The following RBMS3 variants were observed in gnomAD, a reference collection of about 807,000 sequenced individuals.
RBMS3 encodes RNA binding motif single stranded interacting protein 3.
Under a neutral mutation model 66.8 loss-of-function variants are expected in RBMS3, and 27 were observed. The ratio of observed to expected loss-of-function variants is 0.40; its 90% CI spans 0.30 to 0.56. The LOEUF is 0.56. RBMS3 is among the 20% of genes least tolerant of loss of function. The pLI is 0.40. For synonymous variants in RBMS3, 188 were observed against 183.0 expected (o/e 1.03, Z -0.22); for missense variants, 513 against 549.5 (o/e 0.93, Z 0.66).
At chr3:29,614,172 A>C (rs555918449) in intron 4 of RBMS3, among the ~76,000 whole-genome samples, 2 of 152,272 alleles carry the variant, frequency 1.3e-5, no homozygotes, top group South Asian at 4.1e-4. Context: ...GTAATTTGCA[A>C]CATGGATGAA....
chr3:29,826,054 C>T (rs2058203299), intron 6 of RBMS3, among the ~76,000 whole-genome samples: 1 of 152,014 alleles, frequency 6.6e-6, no homozygotes, highest in East Asian at 1.9e-4. Flanking sequence ...TGCTCTTTTT[C>T]CATTTTGGTA....
chr3:29,941,657 T>C (rs1577208259), intron 11 of RBMS3, among the ~76,000 whole-genome samples: 1 of 151,584 alleles, frequency 6.6e-6, no homozygotes, highest in East Asian at 1.9e-4. Context: ...TTTTGTTGTT[T>C]AAAAAAATGA....
At chr3:29,676,039 T>C (rs1234008281) in intron 4 of RBMS3, among the ~76,000 whole-genome samples, 2 of 152,200 alleles carry the variant, frequency 1.3e-5, no homozygotes, top group South Asian at 2.1e-4. Context: ...TGTCCATCAC[T>C]GATAGACTGG....
chr3:29,937,404 G>A (rs1193317388), intron 11 of RBMS3, among the ~76,000 whole-genome samples: 1 of 151,984 alleles, frequency 6.6e-6, no homozygotes, highest in Non-Finnish European at 1.5e-5. Flanking sequence ...GCAATGGCTT[G>A]CTTGCCAAAT....
At chr3:29,863,297 A>C (rs1469805121) in intron 6 of RBMS3, among the ~76,000 whole-genome samples, 2 of 151,310 alleles carry the variant, frequency 1.3e-5, no homozygotes, top group Admixed American at 1.3e-4. Context: ...CAGCACACCA[A>C]CATGGCACAT....
At chr3:29,431,427 G>A (rs762761109) in intron 1 of RBMS3, among the ~76,000 whole-genome samples, 10 of 150,832 alleles carry the variant, frequency 6.6e-5, no homozygotes, top group Non-Finnish European at 1.5e-4. Context: ...TGAGTAGCTG[G>A]GATTATAGGC....
chr3:29,804,920 C>CGTGT (rs10576635), intron 6 of RBMS3, among the ~76,000 whole-genome samples: 3,265 of 146,396 alleles, frequency 0.022, 45 homozygotes, highest in African/African-American at 0.03. Flanking sequence ...TCTGCGTGTA[C>CGTGT]GTGTGTGTGT....
At chr3:29,441,919 C>G (rs979347579) in intron 2 of RBMS3, among the ~76,000 whole-genome samples, 1 of 151,996 alleles carries the variant, frequency 6.6e-6, no homozygotes, top group African/African-American at 2.4e-5. Flanking sequence ...TTTCAATTAT[C>G]CAGAAGTATT....
In RBMS3 at chr3:29,950,433, C is replaced by T. The variant is rs138219199; in HGVS notation, c.1098+6179C>T. Among the ~76,000 whole-genome samples the T allele has an allele frequency of 1.8e-3, 277 of 151,878 alleles. 4 individuals carry two copies. The highest frequency in any genetic ancestry group is 3.4e-3 in the Middle Eastern group (1 of 294). ...AATGGACTTTAAAGTAAGCTAATTGCGTGTGCAGGAATCAGCACATCTGGT... is the reference window on the plus strand; with the variant it reads ...AATGGACTTTAAAGTAAGCTAATTGTGTGTGCAGGAATCAGCACATCTGGT... On this transcript the variant is annotated intron_variant, in intron 12 of 14. Coordinates refer to ENST00000383767, the MANE Select transcript of RBMS3 (RefSeq NM_001003793.3).
At chr3:29,750,430 T>A (rs9882206) in intron 5 of RBMS3, among the ~76,000 whole-genome samples, 2 of 151,584 alleles carry the variant, frequency 1.3e-5, no homozygotes, top group Admixed American at 6.6e-5. Context: ...CATAAAACAA[T>A]GTAATATAAT....
intron 1 of RBMS3, among the ~76,000 whole-genome samples, chr3:29,378,431 C>T (rs866850824): frequency 2.6e-4 from 39 of 150,670 alleles, no homozygotes; most frequent in African/African-American, 9.3e-4. Flanking sequence ...GAGATCGCGC[C>T]ACGGCATTGC....
At chr3:29,734,343 A>G (rs570594790) in intron 4 of RBMS3, among the ~76,000 whole-genome samples, 4 of 152,110 alleles carry the variant, frequency 2.6e-5, no homozygotes, top group South Asian at 4.1e-4. Flanking sequence ...GCACTGTAGG[A>G]TGACTATAAT....
At chr3:29,495,254 G>C (rs1284676143) in intron 3 of RBMS3, among the ~76,000 whole-genome samples, 3 of 151,978 alleles carry the variant, frequency 2.0e-5, no homozygotes, top group Non-Finnish European at 4.4e-5. Flanking sequence ...CCATTTAGCA[G>C]TTCTAAACTC....
intron 6 of RBMS3, among the ~76,000 whole-genome samples, chr3:29,787,308 T>G (rs997238445): frequency 1.3e-5 from 2 of 152,192 alleles, no homozygotes; most frequent in African/African-American, 4.8e-5. Flanking sequence ...GATGTACCAT[T>G]TGATTTAGCA....
intron 12 of RBMS3, among the ~76,000 whole-genome samples, chr3:29,969,596 C>G (rs1468439627): frequency 1.3e-4 from 20 of 152,152 alleles, no homozygotes; most frequent in Admixed American, 1.2e-3. Flanking sequence ...TTCCAGGTGT[C>G]TCTGTATGGA....
intron 3 of RBMS3, among the ~76,000 whole-genome samples, chr3:29,538,097 C>T (rs924464854): frequency 1.3e-5 from 2 of 152,150 alleles, no homozygotes; most frequent in Non-Finnish European, 2.9e-5. Flanking sequence ...ATGTCATTCA[C>T]ATTCTTGGGC....
intron 12 of RBMS3, among the ~76,000 whole-genome samples, chr3:29,986,279 TAAAG>T (rs370342721): frequency 1.6e-3 from 250 of 152,328 alleles, no homozygotes; most frequent in African/African-American, 5.2e-3. Flanking sequence ...GAGATTCAAT[TAAAG>T]AAACATTTTC....
intron 1 of RBMS3, among the ~76,000 whole-genome samples, chr3:29,380,564 T>A (rs946611561): frequency 6.6e-6 from 1 of 152,234 alleles, no homozygotes; most frequent in Non-Finnish European, 1.5e-5. Flanking sequence ...GTAAGTATTG[T>A]TTTGTTACCA....
intron 4 of RBMS3, among the ~76,000 whole-genome samples, chr3:29,734,728 G>T (rs924508988): frequency 1.3e-5 from 2 of 152,022 alleles, no homozygotes; most frequent in Non-Finnish European, 2.9e-5. Flanking sequence ...TTGAGAGAAC[G>T]CATTTAAAAT....
Sources: gnomAD v4.1 joint callset for allele counts (sites outside exome capture counted in the v4.1 genomes callset) on GRCh38, gnomAD v4.1.1 for gene constraint, MANE v1.5 for transcripts, NCBI Gene and HGNC (gene_info 2026-07-23, HGNC 2026-07-21) for gene names.